The following FAM107A variants were observed in gnomAD, a reference collection of about 807,000 sequenced individuals.
FAM107A encodes actin-associated protein FAM107A.
In FAM107A, 19 loss-of-function variants were observed where a neutral mutation model predicts 13.7. The observed-to-expected ratio is 1.38, with a 90% CI of 0.97 to 2.03. FAM107A has a LOEUF of 2.03. FAM107A is among the 30% of genes most tolerant of loss of function. FAM107A has a pLI of 0.00. For synonymous variants in FAM107A, 82 were observed against 74.5 expected, an observed-to-expected ratio of 1.10 and a Z score of -0.52; for missense variants, 203 against 184.4, an observed-to-expected ratio of 1.10 and a Z score of -0.58.
chr3:58,619,718 C>T (rs2065935704), intron 1 of FAM107A, among the ~76,000 whole-genome samples: 1 of 152,228 alleles, frequency 6.6e-6, no homozygotes, highest in African/African-American at 2.4e-5. Flanking sequence ...AAGGGTGAGC[C>T]TAAGTGCCAT....
At position 58,617,699 on chromosome 3, in the gene FAM107A, A is replaced by G. The variant is rs2108083654; in HGVS notation, c.-70+9717T>C. Among the ~76,000 whole-genome samples the G allele has an allele frequency of 6.6e-6, 1 of 152,132 alleles. No homozygotes were observed. The highest frequency in any genetic ancestry group is 2.1e-4 in the South Asian group (1 of 4,816). ...TTTGGCCCCTCTTGCACCACCTCCA[A>G]ACCCTTTCAAGATAGAAATTAAATT... On this transcript the variant is annotated intron_variant, in intron 1 of 3. Coordinates refer to the FAM107A transcript ENST00000465970. The surrounding 1 kb of genome is among the most constrained non-coding windows in gnomAD (Gnocchi z 4.5).
At chr3:58,585,227 C>T (rs959935803) in intron 1 of FAM107A, among the ~76,000 whole-genome samples, 1 of 152,190 alleles carries the variant, frequency 6.6e-6, no homozygotes, top group Admixed American at 6.5e-5. Context: ...TTAGGGAGAC[C>T]CCCTCCGCAG....
upstream of FAM107A, among the ~76,000 whole-genome samples, chr3:58,591,491 G>A (rs114113094): frequency 0.02 from 3,045 of 152,210 alleles, 45 homozygotes; most frequent in Non-Finnish European, 0.026. This position sits in a 1 kb window ranked among gnomAD's most constrained non-coding sequence, Gnocchi z 4.3. Context: ...GAGGAGACAG[G>A]GGCCAACTTC....
chr3:58,592,967 T>C (rs1241388634), intron 1 of FAM107A, among the ~76,000 whole-genome samples: 3 of 152,096 alleles, frequency 2.0e-5, no homozygotes, highest in Non-Finnish European at 4.4e-5. Flanking sequence ...TACTCCAGAT[T>C]CCCAGCCTTA....
At chr3:58,570,657 A>C (rs992792594) in intron 1 of FAM107A, among the ~76,000 whole-genome samples, 1 of 150,628 alleles carries the variant, frequency 6.6e-6, no homozygotes, top group Non-Finnish European at 1.5e-5. Context: ...CTTAAAAAAA[A>C]AAAGGCCTCA....
upstream of FAM107A, among the ~76,000 whole-genome samples, chr3:58,578,972 C>A (rs9812469): frequency 0.44 from 66,311 of 152,098 alleles, 15,018 homozygotes; most frequent in East Asian, 0.51. Context: ...GCTGGGGGTA[C>A]CATGTGAATG....
upstream of FAM107A, among the ~76,000 whole-genome samples, chr3:58,587,474 A>AGTGT (rs376881213): frequency 1.4e-3 from 208 of 145,556 alleles, no homozygotes; most frequent in Non-Finnish European, 1.3e-3. Flanking sequence ...ATCAGCTTAG[A>AGTGT]GTGTGTGTGT....
intron 1 of FAM107A, among the ~76,000 whole-genome samples, chr3:58,619,175 C>CT (rs1053203916): frequency 6.6e-6 from 1 of 152,008 alleles, no homozygotes; most frequent in African/African-American, 2.4e-5. Flanking sequence ...ATTAATTTTT[C>CT]TTTTTTTGTA....
At chr3:58,581,520 C>T (rs114041103), upstream of FAM107A, among the ~76,000 whole-genome samples, 624 of 152,306 alleles carry the variant, frequency 4.1e-3, 3 homozygotes, top group Non-Finnish European at 6.8e-3. Flanking sequence ...TGTATTCAGT[C>T]TAAATCTCCA....
chr3:58,610,765 A>G (rs539038612), intron 1 of FAM107A, among the ~76,000 whole-genome samples: 142 of 152,344 alleles, frequency 9.3e-4, no homozygotes, highest in African/African-American at 3.2e-3. Flanking sequence ...GGCTGGTTGA[A>G]GCAGTGGCTG....
At chr3:58,577,565 A>G, upstream of FAM107A, 2 of 985,472 alleles carry the variant, frequency 2.0e-6, no homozygotes, top group Non-Finnish European at 1.2e-6. The surrounding 1 kb of genome is among the most constrained non-coding windows in gnomAD (Gnocchi z 4.9). Context: ...GATGCGGAAC[A>G]TCATGTCCAA....
intron 1 of FAM107A, among the ~76,000 whole-genome samples, chr3:58,618,153 A>G (rs912693563): frequency 6.6e-6 from 1 of 152,224 alleles, no homozygotes; most frequent in East Asian, 1.9e-4. Flanking sequence ...AGTGAGGCTC[A>G]AGGGGGGTAG....
upstream of FAM107A, among the ~76,000 whole-genome samples, chr3:58,590,780 T>G (rs533610216): frequency 6.6e-6 from 1 of 152,274 alleles, no homozygotes; most frequent in Admixed American, 6.5e-5. Context: ...TCCCTTGACA[T>G]GTGGGGATTG....
chr3:58,567,942 A>T (rs11707923), intron 2 of FAM107A, among the ~76,000 whole-genome samples: 1 of 151,718 alleles, frequency 6.6e-6, no homozygotes, highest in Non-Finnish European at 1.5e-5. Context: ...CTGTATTATC[A>T]ATATTATTTT....
intron 1 of FAM107A, chr3:58,574,443 C>T (rs1220737907): frequency 6.6e-6 from 1 of 152,242 alleles, no homozygotes; most frequent in African/African-American, 2.4e-5. Flanking sequence ...AACTTATTTG[C>T]TTCGGTCCTG....
intron 2 of FAM107A, among the ~76,000 whole-genome samples, chr3:58,568,775 G>A (rs898378976): frequency 6.6e-6 from 1 of 152,188 alleles, no homozygotes; most frequent in African/African-American, 2.4e-5. Context: ...CGCTCTGAAG[G>A]CACCGCTGCG....
intron 1 of FAM107A, among the ~76,000 whole-genome samples, chr3:58,614,736 G>A (rs202004350): frequency 1.4e-4 from 21 of 151,846 alleles, no homozygotes; most frequent in African/African-American, 2.9e-4. Flanking sequence ...AACTCCTGAC[G>A]TCAAGTGATC....
At chr3:58,619,282 G>C (rs537925921) in intron 1 of FAM107A, among the ~76,000 whole-genome samples, 2 of 152,122 alleles carry the variant, frequency 1.3e-5, no homozygotes, top group Admixed American at 1.3e-4. Context: ...ATTACAGGCC[G>C]TGAGCCACTG....
chr3:58,580,644 C>T (rs2065526643), upstream of FAM107A, among the ~76,000 whole-genome samples: 1 of 151,850 alleles, frequency 6.6e-6, no homozygotes, highest in Non-Finnish European at 1.5e-5. Flanking sequence ...GAACTCTTGG[C>T]CTCAAGTGTT....
Sources: gnomAD v4.1 joint callset for allele counts (sites outside exome capture counted in the v4.1 genomes callset) on GRCh38, gnomAD v4.1.1 for gene constraint, Gnocchi (gnomAD v3.1) non-coding constraint, MANE v1.5 for transcripts, NCBI Gene and HGNC (gene_info 2026-07-23, HGNC 2026-07-21) for gene names.